DNAH6: variants seen among roughly 807,000 people sequenced by gnomAD.
DNAH6 encodes dynein axonemal heavy chain 6, also known as axonemal beta dynein heavy chain 6.
Under a neutral mutation model 491.4 loss-of-function variants are expected in DNAH6, and 340 were observed. The observed-to-expected ratio is 0.69, with a 90% CI of 0.63 to 0.76. DNAH6 has a LOEUF of 0.76. Among genes scored for constraint, DNAH6 ranks in the 30% least tolerant of loss-of-function variants. DNAH6 has a pLI of 0.00. For missense variants in DNAH6, 4,443 were observed against 4,972.2 expected (o/e 0.89, Z 3.20); for synonymous variants, 1,603 against 1,686.1 (o/e 0.95, Z 1.21).
At chr2:84,515,943 T>C (rs1675561126), upstream of DNAH6, among the ~76,000 whole-genome samples, 1 of 152,136 alleles carries the variant, frequency 6.6e-6, no homozygotes, top group African/African-American at 2.4e-5. Flanking sequence ...GGACATTAGT[T>C]GGAAGGCCAC....
At chr2:84,600,168 T>C (rs991980558) in intron 18 of DNAH6, among the ~76,000 whole-genome samples, 1 of 152,212 alleles carries the variant, frequency 6.6e-6, no homozygotes, top group Admixed American at 6.5e-5. Context: ...TCTCTAACTA[T>C]AATTGTGGGT....
chr2:84,627,037 A>G (rs942612642), intron 29 of DNAH6, among the ~76,000 whole-genome samples: 2 of 152,226 alleles, frequency 1.3e-5, no homozygotes, highest in African/African-American at 2.4e-5. Flanking sequence ...AGGTGGTGCA[A>G]ATCGATACTG....
intron 33 of DNAH6, among the ~76,000 whole-genome samples, chr2:84,643,497 A>C (rs894589994): frequency 5.9e-5 from 9 of 151,822 alleles, no homozygotes; most frequent in Non-Finnish European, 5.9e-5. Context: ...TGGTATTCCC[A>C]CTGCACACGT....
intron 32 of DNAH6, among the ~76,000 whole-genome samples, chr2:84,641,208 G>T (rs1476514755): frequency 6.6e-6 from 1 of 152,080 alleles, no homozygotes; most frequent in African/African-American, 2.4e-5. Flanking sequence ...TTTATCTCTA[G>T]TCCTTCCTCT....
At chr2:84,719,869 AACACACACACAC>A (rs72442165) in intron 59 of DNAH6, among the ~76,000 whole-genome samples, 1 of 144,678 alleles carries the variant, frequency 6.9e-6, no homozygotes, top group Non-Finnish European at 1.5e-5. Context: ...CTGTACCTCT[AACACACACACAC>A]ACACACACAC....
Position 84,694,445 on chromosome 2 carries a change from G to C in DNAH6, c.7489G>C (p.Asp2497His), listed in dbSNP as rs1434796651. The change falls in exon 46 of 77, where the codon GAC becomes CAC. Residue 2497 changes from aspartate to histidine, a missense_variant. Coordinates refer to ENST00000389394, the MANE Select transcript of DNAH6 (RefSeq NM_001370.2). ...GTTGTACAAAATGGCTGGTGTAGAA[G>C]ACAAGAATATGGTTTTCCTTTTCAC... ...RKLYKMAGVE[D>H]KNMVFLFTDT... The C allele has an allele frequency of 6.4e-7, 1 of 1,551,890 alleles. No homozygotes were observed. Among genetic ancestry groups the C allele is most frequent in the Admixed American group, 2.0e-5 (1 of 51,016 alleles).
At chr2:84,729,850 G>A (rs527743799) in intron 61 of DNAH6, among the ~76,000 whole-genome samples, 22 of 152,060 alleles carry the variant, frequency 1.4e-4, no homozygotes, top group South Asian at 6.2e-4. Context: ...TATTTTTATC[G>A]TAAGTACTAC....
chr2:84,557,765 C>G lies in DNAH6; in HGVS notation c.1633C>G (p.Gln545Glu). ...TATTTTGGGTGCAGTTAATCACTGTCAAAACACTGTGTTATCAGTTCCTAA... is the reference window on the plus strand; with the variant it reads ...TATTTTGGGTGCAGTTAATCACTGTGAAAACACTGTGTTATCAGTTCCTAA... ...DGILGAVNHC[Q>E]NTVLSVPNLV... Residue 545 changes from glutamine (Q) to glutamate (E), a missense_variant, in exon 11 of 77, where the codon CAA becomes GAA. Around this residue, in one of 3 missense-constraint regions of DNAH6, gnomAD observed 2,977 missense variants for 3,296.6 expected, o/e 0.90. Transcript: ENST00000389394. 1 of 1,588,766 alleles carries G rather than the reference C, an allele frequency of 6.3e-7. No individual in the cohort carries two copies. Among genetic ancestry groups the G allele is most frequent in the Non-Finnish European group, 8.6e-7 (1 of 1,164,770 alleles).
chr2:84,617,854 T>A (rs1341571048), intron 23 of DNAH6, among the ~76,000 whole-genome samples: 1 of 152,092 alleles, frequency 6.6e-6, no homozygotes, highest in East Asian at 1.9e-4. Context: ...CTCGTGGGCA[T>A]AGCGAGCACC....
chr2:84,571,086 C>T (rs1037133616), intron 11 of DNAH6, among the ~76,000 whole-genome samples: 2 of 152,016 alleles, frequency 1.3e-5, no homozygotes, highest in African/African-American at 4.8e-5. Flanking sequence ...CTACCAAATC[C>T]TTTGAATAAA....
chr2:84,697,850 C>G (rs1695538954), intron 47 of DNAH6, 123 bp downstream of exon 47: 1 of 1,018,864 alleles, frequency 9.8e-7, no homozygotes. Context: ...TAATTGGTTT[C>G]CTTTGTATTC....
At position 84,640,504 on chromosome 2, in the gene DNAH6, C is replaced by T. The variant is rs1221218252; in HGVS notation, c.4896C>T (p.Cys1632=). ...AAATGACTCAGATGTATAAGCTTTG[C>T]AGTGAGCAGCTGTCTCAGCAGGATC... The part of the protein sequence containing the change: ...ARKMTQMYKL[C]SEQLSQQDHY... The change falls in exon 32 of 77, where the codon TGC becomes TGT. Residue 1632 remains cysteine (C), a synonymous_variant. Coordinates refer to ENST00000389394, the MANE Select transcript of DNAH6 (RefSeq NM_001370.2). The T allele has an allele frequency of 6.4e-7, 1 of 1,550,762 alleles. No homozygotes were observed. Among genetic ancestry groups the T allele is most frequent in the Admixed American group, 2.0e-5 (1 of 50,984 alleles).
chr2:84,568,351 A>AT (rs1255171784), intron 11 of DNAH6, among the ~76,000 whole-genome samples: 3 of 152,240 alleles, frequency 2.0e-5, no homozygotes, highest in African/African-American at 7.2e-5. Flanking sequence ...TGGATAAAGA[A>AT]AATGTGATAT....
chr2:84,494,711 C>A, the DNAH6 span, among the ~76,000 whole-genome samples: 1 of 152,212 alleles, frequency 6.6e-6, no homozygotes, highest in African/African-American at 2.4e-5. Flanking sequence ...AGATATAATG[C>A]ATTTCCTGTA....
At chr2:84,603,978 C>T (rs1364153627) in intron 18 of DNAH6, among the ~76,000 whole-genome samples, 1 of 152,174 alleles carries the variant, frequency 6.6e-6, no homozygotes, top group African/African-American at 2.4e-5. Flanking sequence ...TCTCATTCTA[C>T]CCCGCACTTA....
chr2:84,646,991 G>A (rs1197353673), intron 33 of DNAH6, among the ~76,000 whole-genome samples: 1 of 152,112 alleles, frequency 6.6e-6, no homozygotes, highest in African/African-American at 2.4e-5. Context: ...GGGACTACAG[G>A]CACATGCCAC....
At chr2:84,548,884 C>G (rs1679059218) in intron 8 of DNAH6, among the ~76,000 whole-genome samples, 1 of 152,210 alleles carries the variant, frequency 6.6e-6, no homozygotes, top group Admixed American at 6.5e-5. Flanking sequence ...CAGACTGTGG[C>G]AGGGAGAAAT....
intron 37 of DNAH6, among the ~76,000 whole-genome samples, chr2:84,662,338 A>T (rs1216689545): frequency 6.6e-6 from 1 of 152,172 alleles, no homozygotes; most frequent in Non-Finnish European, 1.5e-5. Flanking sequence ...GGGGTTGGGT[A>T]ATTCCCTTTC....
chr2:84,787,217 C>T lies in DNAH6; in HGVS notation c.11154C>T (p.Asp3718=). 1 of 1,541,026 alleles carries T rather than the reference C, an allele frequency of 6.5e-7. No individual in the cohort carries two copies. Among genetic ancestry groups the T allele is most frequent in the East Asian group, 2.5e-5 (1 of 40,580 alleles). Residue 3718 remains aspartate (D), a synonymous_variant, in exon 68 of 77, where the codon GAC becomes GAT. Transcript: ENST00000389394. ...LGWNICYEFN[D]SDRECALLNL... is the part of the protein sequence containing the mutation. ...GGAATATCTGCTATGAATTTAATGA[C>T]AGTGACAGGGAATGTGCTTTACTGA...
Sources: gnomAD v4.1 joint callset for allele counts (sites outside exome capture counted in the v4.1 genomes callset) on GRCh38, gnomAD v4.1.1 for gene constraint, gnomAD v4.1.1 regional missense constraint, MANE v1.5 for transcripts, NCBI Gene and HGNC (gene_info 2026-07-23, HGNC 2026-07-21) for gene names.